FHIT: variants seen among roughly 807,000 people sequenced by gnomAD.
FHIT encodes bis(5'-adenosyl)-triphosphatase.
In FHIT, 19 loss-of-function variants were observed where a neutral mutation model predicts 17.9. The observed-to-expected ratio is 1.06, with a 90% CI of 0.74 to 1.56. The LOEUF is 1.56. FHIT is among the 40% of genes most tolerant of loss of function. FHIT has a pLI of 0.00. For missense variants in FHIT, 248 were observed against 189.2 expected, an observed-to-expected ratio of 1.31 and a Z score of -1.82; for synonymous variants, 81 against 69.7, an observed-to-expected ratio of 1.16 and a Z score of -0.81.
intron 5 of FHIT, among the ~76,000 whole-genome samples, chr3:60,287,702 A>G (rs1707792903): frequency 6.6e-6 from 1 of 152,130 alleles, no homozygotes; most frequent in Non-Finnish European, 1.5e-5. Flanking sequence ...ATAGCATGAG[A>G]GGAAGAGAGA....
intron 7 of FHIT, among the ~76,000 whole-genome samples, chr3:59,974,981 T>C (rs13075410): frequency 0.49 from 74,059 of 151,954 alleles, 19,454 homozygotes; most frequent in Middle Eastern, 0.62. Context: ...GTCCCTGTTC[T>C]AGCTTTACTT....
intron 3 of FHIT, among the ~76,000 whole-genome samples, chr3:60,837,796 T>C (rs898429950): frequency 6.6e-6 from 1 of 152,192 alleles, no homozygotes; most frequent in Non-Finnish European, 1.5e-5. Flanking sequence ...TAAAGGTTTC[T>C]CTAGGTATTA....
intron 5 of FHIT, among the ~76,000 whole-genome samples, chr3:60,055,537 T>C (rs112415324): frequency 0.015 from 2,224 of 152,030 alleles, 27 homozygotes; most frequent in Non-Finnish European, 0.022. Context: ...CAGAGCTTAA[T>C]TGCTTTAGCA....
At chr3:60,510,640 A>C (rs1373162440) in intron 5 of FHIT, among the ~76,000 whole-genome samples, 1 of 152,006 alleles carries the variant, frequency 6.6e-6, no homozygotes, top group Non-Finnish European at 1.5e-5. Context: ...CAGAGATGTG[A>C]GTTCAAGTCT....
At chr3:60,615,645 CCTA>C in intron 4 of FHIT, among the ~76,000 whole-genome samples, 1 of 152,150 alleles carries the variant, frequency 6.6e-6, no homozygotes, top group Non-Finnish European at 1.5e-5. Flanking sequence ...TTGAGTAATA[CCTA>C]CTATGTGTAC....
chr3:60,164,308 C>A (rs1273258294), intron 5 of FHIT, among the ~76,000 whole-genome samples: 1 of 152,100 alleles, frequency 6.6e-6, no homozygotes, highest in African/African-American at 2.4e-5. Flanking sequence ...AATGACATCC[C>A]ACCAAAATGG....
chr3:60,546,176 A>C (rs1457218230), intron 4 of FHIT, among the ~76,000 whole-genome samples: 2 of 152,078 alleles, frequency 1.3e-5, no homozygotes, highest in Non-Finnish European at 2.9e-5. Flanking sequence ...TAATCACTAC[A>C]CATTTACACT....
At chr3:60,053,155 G>C (rs906953102) in intron 5 of FHIT, among the ~76,000 whole-genome samples, 1 of 151,472 alleles carries the variant, frequency 6.6e-6, no homozygotes, top group Non-Finnish European at 1.5e-5. Context: ...CTTTCTTAGC[G>C]TGGTTGGTTT....
At chr3:60,368,219 G>T (rs1553755468) in intron 5 of FHIT, among the ~76,000 whole-genome samples, 1 of 147,396 alleles carries the variant, frequency 6.8e-6, no homozygotes, top group African/African-American at 2.5e-5. Context: ...AAAAGAAACT[G>T]AGGAACTGTT....
intron 3 of FHIT, among the ~76,000 whole-genome samples, chr3:61,034,680 G>C (rs1022431428): frequency 1.3e-5 from 2 of 152,162 alleles, no homozygotes; most frequent in Non-Finnish European, 2.9e-5. Flanking sequence ...AACAATGCTG[G>C]TGGGAATATA....
At chr3:59,798,334 T>A (rs1373291087) in intron 8 of FHIT, among the ~76,000 whole-genome samples, 1 of 152,196 alleles carries the variant, frequency 6.6e-6, no homozygotes, top group African/African-American at 2.4e-5. Context: ...TATAGTGCTA[T>A]ACGATTTAGG....
At chr3:60,961,430 T>G (rs1709438582) in intron 3 of FHIT, among the ~76,000 whole-genome samples, 1 of 152,248 alleles carries the variant, frequency 6.6e-6, no homozygotes, top group South Asian at 2.1e-4. Context: ...ACTCTTTAGT[T>G]TAATTAGATC....
chr3:59,775,332 T>G (rs1241412653), intron 8 of FHIT, among the ~76,000 whole-genome samples: 1 of 152,204 alleles, frequency 6.6e-6, no homozygotes, highest in African/African-American at 2.4e-5. Flanking sequence ...CTTACCCGCC[T>G]GTAGTGACCA....
chr3:59,840,841 A>G (rs1324691538), intron 8 of FHIT, among the ~76,000 whole-genome samples: 1 of 152,146 alleles, frequency 6.6e-6, no homozygotes, highest in Non-Finnish European at 1.5e-5. Context: ...TCATCTATAT[A>G]ATGGTGATGA....
At chr3:60,709,608 T>C (rs2041464971) in intron 4 of FHIT, among the ~76,000 whole-genome samples, 1 of 152,206 alleles carries the variant, frequency 6.6e-6, no homozygotes, top group Non-Finnish European at 1.5e-5. Context: ...TGGACAAAAA[T>C]AGTGGTTCAT....
intron 2 of FHIT, among the ~76,000 whole-genome samples, chr3:61,057,173 A>T (rs1234293393): frequency 6.6e-6 from 1 of 152,254 alleles, no homozygotes; most frequent in Non-Finnish European, 1.5e-5. Context: ...CATCTTGTTA[A>T]TGCAATATTC....
intron 5 of FHIT, among the ~76,000 whole-genome samples, chr3:60,065,749 C>T (rs753608059): frequency 1.3e-5 from 2 of 152,148 alleles, no homozygotes; most frequent in Non-Finnish European, 2.9e-5. Context: ...ATTCCTAACA[C>T]CTTTTTCTCC....
intron 3 of FHIT, among the ~76,000 whole-genome samples, chr3:60,911,181 C>G (rs1281117219): frequency 6.6e-6 from 1 of 152,102 alleles, no homozygotes; most frequent in Non-Finnish European, 1.5e-5. Flanking sequence ...GGAACAGCCT[C>G]CAGACATTTT....
intron 5 of FHIT, among the ~76,000 whole-genome samples, chr3:60,314,616 G>T (rs1239345566): frequency 2.0e-5 from 3 of 152,196 alleles, no homozygotes; most frequent in Non-Finnish European, 4.4e-5. Flanking sequence ...AGAAAGTTTT[G>T]AGAGTAATGA....
Sources: allele counts gnomAD v4.1 joint callset (sites outside exome capture counted in the v4.1 genomes callset), GRCh38; gene constraint gnomAD v4.1.1; transcripts MANE v1.5; gene names NCBI Gene and HGNC (gene_info 2026-07-23, HGNC 2026-07-21).